The following GRID2IP variants were observed in gnomAD, a reference collection of about 807,000 sequenced individuals.
The protein encoded by GRID2IP is Grid2 interacting protein, also known as delphilin.
Under a neutral mutation model 114.3 loss-of-function variants are expected in GRID2IP, and 78 were observed. The observed-to-expected ratio is 0.68, with a 90% CI of 0.57 to 0.82. The LOEUF is 0.82. Ranked by LOEUF, GRID2IP falls within the 40% of genes least tolerant of loss-of-function variation. The pLI is 0.00. For missense variants in GRID2IP, 1,727 were observed against 1,678.5 expected (o/e 1.03, Z -0.51); for synonymous variants, 809 against 724.0 (o/e 1.12, Z -1.89).
At chr7:6,512,657 C>T (rs765524237) in intron 8 of GRID2IP, among the ~76,000 whole-genome samples, 7 of 151,966 alleles carry the variant, frequency 4.6e-5, no homozygotes, top group South Asian at 4.2e-4. Flanking sequence ...ATTACAACTG[C>T]GTACCACCAC....
chr7:6,510,193 G>T (rs1331417006), intron 11 of GRID2IP, 90 bp downstream of exon 11: 10 of 823,070 alleles, frequency 1.2e-5, no homozygotes, highest in African/African-American at 1.8e-5. Context: ...GGACAACCCT[G>T]ACCCTGATGG....
At position 6,508,828 on chromosome 7, in the gene GRID2IP, A is replaced by T; in HGVS notation, c.2127+130T>A. 7.3e-7 allele frequency: 1 copy of T among 1,370,516 alleles called. No homozygotes were observed. The allele number at this position is 1,370,516 out of a possible 1,614,324, so 84.9% of individuals were successfully genotyped here. A position where few individuals can be genotyped will look rare whatever the true frequency, so the allele number is the denominator to read the frequency against. ...GGCAAGGGGTGGGATAGCTTGAGCT[A>T]GGGAGTGGGATAGCCTGGGGAAGAT... On this transcript the variant is annotated intron_variant, in intron 12 of 21. Transcript: ENST00000457091. The surrounding 1 kb of genome is among the most constrained non-coding windows in gnomAD (Gnocchi z 5.6).
chr7:6,511,136 A>G (rs1779143228), intron 8 of GRID2IP, 97 bp from the exon 9 acceptor site: 1 of 1,283,990 alleles, frequency 7.8e-7, no homozygotes, highest in African/African-American at 1.5e-5. Flanking sequence ...ATCTGCACCA[A>G]TATGCAGACC....
At chr7:6,529,090 A>G (rs1779568665) in intron 2 of GRID2IP, among the ~76,000 whole-genome samples, 2 of 151,736 alleles carry the variant, frequency 1.3e-5, no homozygotes, top group African/African-American at 4.8e-5. Context: ...CATGCACCCA[A>G]CCCTTGAGTC....
At position 6,508,462 on chromosome 7, in the gene GRID2IP, T is replaced by C. The variant is rs1583336114; in HGVS notation, c.2128-61A>G. 1.3e-6 allele frequency: 2 copies of C among 1,546,374 alleles called. No homozygotes were observed. The highest frequency in any genetic ancestry group is 2.4e-5 in the East Asian group (1 of 40,880). ...CTGGGCCCAGAGAGACTAGAGCAGG[T>C]GCAAAGTGAAGGATCATGGGATAGC... is the stretch of plus-strand genomic sequence containing the variant. On this transcript the variant is annotated intron_variant, in intron 12 of 21. Coordinates refer to ENST00000457091, the MANE Select transcript of GRID2IP (RefSeq NM_001145118.2). The surrounding 1 kb of genome is among the most constrained non-coding windows in gnomAD (Gnocchi z 5.6).
At chr7:6,512,285 C>T (rs1218908957) in intron 8 of GRID2IP, among the ~76,000 whole-genome samples, 7 of 140,168 alleles carry the variant, frequency 5.0e-5, no homozygotes, top group Non-Finnish European at 9.1e-5. Flanking sequence ...GGCTGGAGTG[C>T]AATCAAGGCT....
chr7:6,500,194 T>G (rs184267154), intron 20 of GRID2IP, among the ~76,000 whole-genome samples: 10 of 151,424 alleles, frequency 6.6e-5, no homozygotes, highest in Admixed American at 2.6e-4. Flanking sequence ...CCGGGCACAG[T>G]GGCTCACACC....
At position 6,520,023 on chromosome 7, in the gene GRID2IP, C is replaced by T. The variant is rs532301697; in HGVS notation, c.1268+555G>A. On this transcript the variant is annotated intron_variant, in intron 7 of 21. Coordinates refer to ENST00000457091, the MANE Select transcript of GRID2IP (RefSeq NM_001145118.2). This position sits in a 1 kb window ranked among gnomAD's most constrained non-coding sequence, Gnocchi z 4.6. The stretch of plus-strand genomic sequence containing the variant: ...AGGCACGGTGGCTCACGCCTGTAAT[C>T]CCAGCACTTTGGGAGGCCGAGGCGG... Among the ~76,000 whole-genome samples, 4 of 152,250 alleles carry T rather than the reference C, an allele frequency of 2.6e-5. No homozygotes were observed. Among genetic ancestry groups the T allele is most frequent in the African/African-American group, 7.2e-5 (3 of 41,540 alleles).
chr7:6,525,006 TTAAAA>T (rs1270770928), intron 4 of GRID2IP, among the ~76,000 whole-genome samples: 2 of 151,922 alleles, frequency 1.3e-5, no homozygotes, highest in East Asian at 2.0e-4. Flanking sequence ...ACCTCATCTC[TTAAAA>T]TAAAATAAAA....
chr7:6,539,613 T>A, intron 2 of GRID2IP, 105 bp downstream of exon 2: 1 of 1,090,926 alleles, frequency 9.2e-7, no homozygotes, highest in East Asian at 2.7e-5. Flanking sequence ...TACCATCTAT[T>A]ATCTCCCACC....
rs1243484983 is a variant in GRID2IP at position 6,509,210 on chromosome 7, A to C, written c.1875T>G (p.Ser625=). Residue 625 remains serine, a synonymous_variant, in exon 12 of 22, where the codon TCT becomes TCG. Transcript: ENST00000457091. This position sits in a 1 kb window ranked among gnomAD's most constrained non-coding sequence, Gnocchi z 4.9. Reference sequence around the variant, plus strand: ...CCAGGCTGGCGTAGGGGTGGGACTCAGAGCTGCTGGGGGAGGCCAGACCCC... The same window carrying C: ...CCAGGCTGGCGTAGGGGTGGGACTCCGAGCTGCTGGGGGAGGCCAGACCCC... ...CSGGLASPSS[S]ESHPYASLDS... 1 of 1,494,034 alleles carries C rather than the reference A, an allele frequency of 6.7e-7. No individual in the cohort carries two copies. The highest frequency in any genetic ancestry group is 8.9e-7 in the Non-Finnish European group (1 of 1,118,944). The allele number at this position is 1,494,034 out of a possible 1,614,324, so 92.5% of individuals were successfully genotyped here.
At position 6,497,800 on chromosome 7, in the gene GRID2IP, C is replaced by G. The variant is rs574381220; in HGVS notation, c.3610G>C (p.Gly1204Arg). ...LQAGEGLRSS[G>R]MVSPLAW ...CACCAGGCCAGGGGTGAAACCATCC[C>G]GGAGCTGCGCAGGCCCTCCCCGGCC... Residue 1204 changes from glycine (G) to arginine (R), a missense_variant, in exon 22 of 22, where the codon GGG (glycine) becomes CGG (arginine). Physicochemically the swap from Gly to Arg is moderately radical, Grantham distance 125. Transcript: ENST00000457091. 5.2e-6 allele frequency: 8 copies of G among 1,550,292 alleles called. No homozygotes were observed. Among genetic ancestry groups the G allele is most frequent in the South Asian group, 4.8e-5 (4 of 84,010 alleles).
At position 6,506,369 on chromosome 7, in the gene GRID2IP, T is replaced by G. The variant is rs1290067727; in HGVS notation, c.2545-462A>C. On this transcript the variant is annotated intron_variant, in intron 13 of 21. Coordinates refer to ENST00000457091, the MANE Select transcript of GRID2IP (RefSeq NM_001145118.2). The surrounding 1 kb of genome is among the most constrained non-coding windows in gnomAD (Gnocchi z 5.2). ...CCAGACGCTGGACACGTGGCTGTGA[T>G]GAATGGCATAGATGAGAGGTAACAG... Among the ~76,000 whole-genome samples, 1 of 152,144 alleles carries G rather than the reference T, an allele frequency of 6.6e-6. No individual in the cohort carries two copies. Among genetic ancestry groups the G allele is most frequent in the Non-Finnish European group, 1.5e-5 (1 of 68,030 alleles).
intron 7 of GRID2IP, among the ~76,000 whole-genome samples, chr7:6,518,074 A>G (rs1389953110): frequency 6.6e-6 from 1 of 151,682 alleles, no homozygotes; most frequent in Non-Finnish European, 1.5e-5. Context: ...AAAAAAAAAA[A>G]AAAAATTAGC....
In GRID2IP at chr7:6,520,822, C is replaced by T. The variant is rs915108060; in HGVS notation, c.1085-61G>A. On this transcript the variant is annotated intron_variant, in intron 6 of 21. Coordinates refer to ENST00000457091, the MANE Select transcript of GRID2IP (RefSeq NM_001145118.2). The surrounding 1 kb of genome is among the most constrained non-coding windows in gnomAD (Gnocchi z 4.6). The stretch of plus-strand genomic sequence containing the variant: ...TCAGAGTCCCCAGGCCAGGTGTAGT[C>T]TCCCTGGCTTTTGAGGTCAGGAGAC... The T allele has an allele frequency of 2.0e-6, 3 of 1,473,580 alleles. No individual in the cohort carries two copies. The African/African-American group carries it at 4.2e-5, about 21-fold the overall frequency. 91.3% of individuals were successfully genotyped at this position (1,473,580 alleles called of 1,614,324 possible). A position where few individuals can be genotyped will look rare whatever the true frequency, so the allele number is the denominator to read the frequency against.
Position 6,510,933 on chromosome 7 carries a change from C to G in GRID2IP, c.1530G>C (p.Gln510His), listed in dbSNP as rs1321116858. Residue 510 changes from glutamine to histidine, a missense_variant, in exon 9 of 22, where the codon CAG becomes CAC. Gln to His is a conservative substitution (Grantham distance 24). Transcript: ENST00000457091. Reference sequence around the variant, plus strand: ...CGCAGCTGAGGCCGGCCTCCAGGCCCTGGGACCGGAGGCTGCGGCGGCACA... The same window carrying G: ...CGCAGCTGAGGCCGGCCTCCAGGCCGTGGGACCGGAGGCTGCGGCGGCACA... ...SSMCRRSLRS[Q>H]GLEAGLSCGP... The G allele has an allele frequency of 3.9e-6, 6 of 1,549,478 alleles. No homozygotes were observed. In the Admixed American group the frequency reaches 1.2e-4, roughly 30 times the overall value.
chr7:6,522,805 A>ATGTG (rs776645557), intron 4 of GRID2IP, among the ~76,000 whole-genome samples: 7 of 57,044 alleles, frequency 1.2e-4, no homozygotes, highest in East Asian at 2.9e-4. Context: ...TGCCTGGCTA[A>ATGTG]TATGTGTGTG....
At chr7:6,513,651 G>A (rs757839476) in intron 8 of GRID2IP, among the ~76,000 whole-genome samples, 1 of 152,208 alleles carries the variant, frequency 6.6e-6, no homozygotes, top group Admixed American at 6.5e-5. Flanking sequence ...CTCAGGTTAT[G>A]TTGTATATGC....
At position 6,519,739 on chromosome 7, in the gene GRID2IP, G is replaced by A. The variant is rs979115283; in HGVS notation, c.1268+839C>T. 8.4e-4 allele frequency among the ~76,000 whole-genome samples: 128 copies of A among 152,116 alleles called. No individual in the cohort carries two copies. Among genetic ancestry groups the A allele is most frequent in the African/African-American group, 2.9e-3 (122 of 41,512 alleles). Reference sequence around the variant, plus strand: ...ACCACTGCACTCCAGCCTGGGCAACGAGAGTGAAACACCATCTCAAAAAAC... The same window carrying A: ...ACCACTGCACTCCAGCCTGGGCAACAAGAGTGAAACACCATCTCAAAAAAC... On this transcript the variant is annotated intron_variant, in intron 7 of 21. Transcript: ENST00000457091. This position sits in a 1 kb window ranked among gnomAD's most constrained non-coding sequence, Gnocchi z 4.1.
Sources: gnomAD v4.1 joint callset for allele counts (sites outside exome capture counted in the v4.1 genomes callset) on GRCh38, gnomAD v4.1.1 for gene constraint, Gnocchi (gnomAD v3.1) non-coding constraint, MANE v1.5 for transcripts, NCBI Gene and HGNC (gene_info 2026-07-23, HGNC 2026-07-21) for gene names.